Variants in NALF1 observed in about 807,000 individuals in gnomAD.
NALF1 encodes the protein family with sequence similarity 155 member A.
NALF1 carries 3 observed loss-of-function variants against 48.4 expected under a neutral mutation model. The observed-to-expected ratio is 0.06, with a 90% CI of 0.03 to 0.16. The LOEUF (loss-of-function observed/expected upper bound fraction) is 0.16, where lower values mean the gene tolerates loss of function less well. Ranked by LOEUF, NALF1 falls within the 10% of genes least tolerant of loss-of-function variation. The pLI, the probability that NALF1 is intolerant of heterozygous loss-of-function variation, is 1.00. For missense variants in NALF1, 526 were observed against 571.5 expected (o/e 0.92, Z 0.81); for synonymous variants, 262 against 245.7 (o/e 1.07, Z -0.62).
intron 1 of NALF1, among the ~76,000 whole-genome samples, chr13:107,611,559 TA>T (rs1252515891): frequency 6.6e-6 from 1 of 152,086 alleles, no homozygotes; most frequent in Non-Finnish European, 1.5e-5. Flanking sequence ...GAGAATGTTA[TA>T]TTAAGTAAAA....
chr13:107,865,351 GACTTTTTCAACTTCCTTTTCTTAAAA>G (rs1880681611), intron 1 of NALF1, among the ~76,000 whole-genome samples: 2 of 152,088 alleles, frequency 1.3e-5, no homozygotes, highest in African/African-American at 4.8e-5. Flanking sequence ...TTCCTGACAA[GACTTTTTCAACTTCCTTTTCTTAAAA>G]GATGTAACAG....
intron 1 of NALF1, among the ~76,000 whole-genome samples, chr13:107,503,317 T>C (rs932579706): frequency 4.0e-5 from 6 of 151,882 alleles, no homozygotes; most frequent in African/African-American, 1.5e-4. Flanking sequence ...AGGTAACAAA[T>C]GATCTTTAAA....
chr13:107,744,436 A>G (rs1876726648), intron 1 of NALF1, among the ~76,000 whole-genome samples: 2 of 152,258 alleles, frequency 1.3e-5, no homozygotes, highest in Non-Finnish European at 2.9e-5. Flanking sequence ...CCCGAAACTT[A>G]GCCAAAGGTA....
chr13:107,591,939 C>T (rs866010030), intron 1 of NALF1, among the ~76,000 whole-genome samples: 5 of 151,812 alleles, frequency 3.3e-5, no homozygotes, highest in African/African-American at 7.3e-5. Flanking sequence ...GTTTGACCTC[C>T]GATTTCAAAT....
chr13:107,490,828 G>A (rs1248052637), intron 1 of NALF1, among the ~76,000 whole-genome samples: 1 of 152,066 alleles, frequency 6.6e-6, no homozygotes, highest in Admixed American at 6.6e-5. Context: ...ATAACATAAT[G>A]TACTTGAGAG....
At position 107,549,675 on chromosome 13, in the gene NALF1, C is replaced by T. The variant is rs368329457; in HGVS notation, c.915+316007G>A. On this transcript the variant is annotated intron_variant, in intron 1 of 2. Coordinates refer to ENST00000375915, the MANE Select transcript of NALF1 (RefSeq NM_001080396.3). ...TTGAGAGCAAGTTCCAGATATAATGCCTGTTTACCACTACATACTTAAATG... is the reference window on the plus strand; with the variant it reads ...TTGAGAGCAAGTTCCAGATATAATGTCTGTTTACCACTACATACTTAAATG... Among the ~76,000 whole-genome samples, 207 of 152,174 alleles carry T rather than the reference C, an allele frequency of 1.4e-3. 3 individuals are homozygous for T. Among genetic ancestry groups the T allele is most frequent in the African/African-American group, 4.6e-3 (192 of 41,528 alleles).
intron 1 of NALF1, among the ~76,000 whole-genome samples, chr13:107,775,923 T>C (rs1594258911): frequency 6.6e-6 from 1 of 152,346 alleles, no homozygotes; most frequent in Non-Finnish European, 1.5e-5. Context: ...TTTACTCTTA[T>C]GCACCTGGCC....
intron 1 of NALF1, among the ~76,000 whole-genome samples, chr13:107,688,117 G>A (rs1881481651): frequency 6.6e-6 from 1 of 152,060 alleles, no homozygotes; most frequent in Non-Finnish European, 1.5e-5. Flanking sequence ...TGGTAAATGT[G>A]TGCTAAATGT....
intron 1 of NALF1, among the ~76,000 whole-genome samples, chr13:107,283,617 ATTATTTAT>A (rs71121515): frequency 0.097 from 14,081 of 145,460 alleles, 994 homozygotes; most frequent in East Asian, 0.35. Context: ...GCGGATCTTC[ATTATTTAT>A]TTATTTATTT....
At chr13:107,223,718 T>A (rs1222807073) in intron 1 of NALF1, among the ~76,000 whole-genome samples, 3 of 152,206 alleles carry the variant, frequency 2.0e-5, no homozygotes, top group African/African-American at 4.8e-5. Flanking sequence ...GAAGTTAGTA[T>A]AATACAGTGC....
At chr13:107,821,143 CTTGT>C (rs75851494) in intron 1 of NALF1, among the ~76,000 whole-genome samples, 6,937 of 152,150 alleles carry the variant, frequency 0.046, 457 homozygotes, top group East Asian at 0.33. Flanking sequence ...TTATTTTTTA[CTTGT>C]TTATTTGTAG....
Position 107,726,903 on chromosome 13 carries a change from C to A in NALF1, c.915+138779G>T, listed in dbSNP as rs535504736. ...ACAGGCATGAGACACCACGCCCGGC[C>A]GGCAAATTCTTGTGTGTGTGTGTGT... On this transcript the variant is annotated intron_variant, in intron 1 of 2. Transcript: ENST00000375915. Among the ~76,000 whole-genome samples the A allele has an allele frequency of 1.4e-4, 19 of 137,072 alleles. No individual in the cohort carries two copies. The East Asian group carries it at 3.4e-3, about 24-fold the overall frequency. 89.9% of individuals were successfully genotyped at this position (137,072 alleles called of 152,430 possible).
rs76979560 is a variant in NALF1 at position 107,498,996 on chromosome 13, T to C, written c.916-288241A>G. On this transcript the variant is annotated intron_variant, in intron 1 of 2. Transcript: ENST00000375915. Reference sequence around the variant, plus strand: ...TCAAATGTGTATTCACATCTGTCTATATGGGTGTTCAGTACATATCTAACA... The same window carrying C: ...TCAAATGTGTATTCACATCTGTCTACATGGGTGTTCAGTACATATCTAACA... Among the ~76,000 whole-genome samples, 906 of 152,296 alleles carry C rather than the reference T, an allele frequency of 5.9e-3. 30 individuals carry two copies. The East Asian group carries it at 0.1, about 17-fold the overall frequency.
At chr13:107,854,806 G>C (rs915378036) in intron 1 of NALF1, among the ~76,000 whole-genome samples, 3 of 151,490 alleles carry the variant, frequency 2.0e-5, no homozygotes, top group African/African-American at 7.3e-5. Flanking sequence ...CCCGGGAGGC[G>C]GCGGTTGCAG....
At chr13:107,307,808 C>G (rs997445017) in intron 1 of NALF1, among the ~76,000 whole-genome samples, 1 of 152,102 alleles carries the variant, frequency 6.6e-6, no homozygotes, top group African/African-American at 2.4e-5. Flanking sequence ...AATCTTTTAA[C>G]ACAAATAAAA....
chr13:107,375,137 T>G (rs1384707873), intron 1 of NALF1, among the ~76,000 whole-genome samples: 1 of 152,200 alleles, frequency 6.6e-6, no homozygotes, highest in Non-Finnish European at 1.5e-5. Context: ...ACATTTAAAA[T>G]TTTAGCAACT....
At chr13:107,357,785 G>C (rs369832349) in intron 1 of NALF1, among the ~76,000 whole-genome samples, 1 of 152,144 alleles carries the variant, frequency 6.6e-6, no homozygotes, top group South Asian at 2.1e-4. Flanking sequence ...ATTCCTTGCA[G>C]AAAGCAATGC....
At chr13:107,412,444 A>C (rs1053689455) in intron 1 of NALF1, among the ~76,000 whole-genome samples, 1 of 152,166 alleles carries the variant, frequency 6.6e-6, no homozygotes, top group Non-Finnish European at 1.5e-5. Context: ...GATTTCATAG[A>C]TAATTTCACA....
intron 2 of NALF1, among the ~76,000 whole-genome samples, chr13:107,179,590 C>T (rs1000633725): frequency 1.3e-5 from 2 of 149,034 alleles, no homozygotes; most frequent in African/African-American, 5.0e-5. Context: ...GTGTTTATTA[C>T]ACATCTTATG....
Sources: gnomAD v4.1 joint callset for allele counts (sites outside exome capture counted in the v4.1 genomes callset) on GRCh38, gnomAD v4.1.1 for gene constraint, MANE v1.5 for transcripts, NCBI Gene and HGNC (gene_info 2026-07-23, HGNC 2026-07-21) for gene names.